Variants in TP63 observed in about 807,000 individuals in gnomAD.
TP63 encodes the protein tumor protein p63.
A neutral mutation model predicts 82.8 loss-of-function variants in TP63; 17 were observed. The ratio of observed to expected loss-of-function variants is 0.21; its 90% CI spans 0.14 to 0.31. TP63 has a LOEUF of 0.31. Among genes scored for constraint, TP63 ranks in the 10% least tolerant of loss-of-function variants. The probability of loss-of-function intolerance (pLI) is 1.00; values close to 1 mark genes in which losing one functional copy is unlikely to be tolerated. For synonymous variants in TP63, 330 were observed against 321.7 expected, an observed-to-expected ratio of 1.03 and a Z score of -0.28; for missense variants, 648 against 895.3, an observed-to-expected ratio of 0.72 and a Z score of 3.52.
intron 1 of TP63, among the ~76,000 whole-genome samples, chr3:189,724,235 T>C (rs1719606388): frequency 6.6e-6 from 1 of 152,166 alleles, no homozygotes; most frequent in Non-Finnish European, 1.5e-5. Context: ...ATGCGAGATA[T>C]AAATGTATCT....
chr3:189,699,763 G>T (rs1174781886), intron 1 of TP63, among the ~76,000 whole-genome samples: 1 of 151,990 alleles, frequency 6.6e-6, no homozygotes, highest in Non-Finnish European at 1.5e-5. Context: ...TGTCACTTCT[G>T]TTATTATAGA....
chr3:189,828,708 G>C (rs1278164447), intron 4 of TP63, among the ~76,000 whole-genome samples: 3 of 152,212 alleles, frequency 2.0e-5, no homozygotes, highest in Admixed American at 6.5e-5. Flanking sequence ...TGGCTTGATG[G>C]CTTTGGCTAG....
intron 1 of TP63, among the ~76,000 whole-genome samples, chr3:189,703,693 A>G (rs542173757): frequency 1.3e-5 from 2 of 152,342 alleles, no homozygotes; most frequent in Admixed American, 6.5e-5. Context: ...CTAACACCCC[A>G]TATTTTGGTC....
At chr3:189,882,639 T>A (rs1207080644) in intron 10 of TP63, among the ~76,000 whole-genome samples, 2 of 152,180 alleles carry the variant, frequency 1.3e-5, no homozygotes. Flanking sequence ...TGGAAGATTT[T>A]AGCCAAAAGA....
At chr3:189,600,999 G>T in the TP63 span, among the ~76,000 whole-genome samples, 1 of 152,072 alleles carries the variant, frequency 6.6e-6, no homozygotes, top group Non-Finnish European at 1.5e-5. Context: ...TTGAATTTTA[G>T]TGTTGTGCTT....
In TP63 at chr3:189,869,736, G is replaced by A. The variant is rs574645143; in HGVS notation, c.1212+330G>A. 1.7e-4 allele frequency among the ~76,000 whole-genome samples: 25 copies of A among 148,940 alleles called. No individual in the cohort carries two copies. The South Asian group carries it at 5.3e-3, about 32-fold the overall frequency. On this transcript the variant is annotated intron_variant, in intron 9 of 13. Transcript: ENST00000264731. ...TAGGGTGTTTTTTTTTTTTTTATAA[G>A]GGCAAAATCCCATTTATGAAGGCTC... is the stretch of plus-strand genomic sequence containing the variant.
At chr3:189,605,904 A>G in the TP63 span, among the ~76,000 whole-genome samples, 2 of 152,214 alleles carry the variant, frequency 1.3e-5, no homozygotes, top group Non-Finnish European at 2.9e-5. Context: ...TTTGGTGTTC[A>G]TAGTTTCAAA....
chr3:189,611,796 AT>A, the TP63 span, among the ~76,000 whole-genome samples: 12 of 151,820 alleles, frequency 7.9e-5, no homozygotes, highest in Non-Finnish European at 1.5e-4. Context: ...GTCATCTCTG[AT>A]TTCTTTGAGC....
intron 4 of TP63, among the ~76,000 whole-genome samples, chr3:189,827,412 C>G (rs1711587445): frequency 6.6e-6 from 1 of 152,130 alleles, no homozygotes; most frequent in African/African-American, 2.4e-5. Flanking sequence ...TAGCTTTGAC[C>G]TTTCATCTCT....
chr3:189,813,414 C>A (rs1176119457), intron 4 of TP63, among the ~76,000 whole-genome samples: 1 of 151,938 alleles, frequency 6.6e-6, no homozygotes, highest in Non-Finnish European at 1.5e-5. Context: ...TGGTAAGGAA[C>A]CCCACTTGTA....
intron 10 of TP63, among the ~76,000 whole-genome samples, chr3:189,882,434 T>C (rs1720016120): frequency 6.6e-6 from 1 of 151,298 alleles, no homozygotes; most frequent in Non-Finnish European, 1.5e-5. Flanking sequence ...AGAGAAGATA[T>C]GATTCTTTTT....
chr3:189,880,239 G>A, intron 10 of TP63: 1 of 1,549,502 alleles, frequency 6.5e-7, no homozygotes, highest in African/African-American at 1.4e-5. Flanking sequence ...GTGAGTGTGT[G>A]TGTGTGTATG....
At chr3:189,716,244 T>C (rs1202536905) in intron 1 of TP63, among the ~76,000 whole-genome samples, 1 of 152,224 alleles carries the variant, frequency 6.6e-6, no homozygotes, top group Admixed American at 6.5e-5. Context: ...CTCCCTTTTA[T>C]GTATAATGTC....
intron 4 of TP63, among the ~76,000 whole-genome samples, chr3:189,825,543 G>T (rs1396035709): frequency 6.6e-6 from 1 of 152,136 alleles, no homozygotes; most frequent in Non-Finnish European, 1.5e-5. Flanking sequence ...CAGAGGTATT[G>T]CTCAAAACTT....
the TP63 span, among the ~76,000 whole-genome samples, chr3:189,620,687 G>A: frequency 6.6e-6 from 1 of 152,114 alleles, no homozygotes. Context: ...TGCCAGCACG[G>A]GCCTTGTTTG....
chr3:189,607,064 T>G, the TP63 span, among the ~76,000 whole-genome samples: 1 of 152,092 alleles, frequency 6.6e-6, no homozygotes, highest in South Asian at 2.1e-4. Context: ...TAGAACCAGG[T>G]GCCAGTGAGA....
intron 4 of TP63, among the ~76,000 whole-genome samples, chr3:189,848,041 G>A (rs1715111017): frequency 6.6e-6 from 1 of 152,110 alleles, no homozygotes; most frequent in African/African-American, 2.4e-5. Flanking sequence ...TGTGTGGGAC[G>A]TGGGGAAGAA....
the TP63 span, among the ~76,000 whole-genome samples, chr3:189,620,528 A>AACAAAAAAAAAAT: frequency 1.3e-5 from 2 of 151,228 alleles, no homozygotes; most frequent in African/African-American, 4.9e-5. Flanking sequence ...AAAAAAAAAA[A>AACAAAAAAAAAAT]ACCTCTCTCT....
intron 1 of TP63, among the ~76,000 whole-genome samples, chr3:189,643,393 T>G (rs146286585): frequency 6.6e-6 from 1 of 152,112 alleles, no homozygotes; most frequent in Non-Finnish European, 1.5e-5. Flanking sequence ...CTTTGAAAAC[T>G]TAGAGTTGCC....
Sources: allele counts gnomAD v4.1 joint callset (sites outside exome capture counted in the v4.1 genomes callset), GRCh38; gene constraint gnomAD v4.1.1; transcripts MANE v1.5; gene names NCBI Gene and HGNC (gene_info 2026-07-23, HGNC 2026-07-21).